Variants in SEC14L1 observed in about 807,000 individuals in gnomAD.
SEC14L1 encodes the protein SEC14-like protein 1.
Under a neutral mutation model 85.3 loss-of-function variants are expected in SEC14L1, and 48 were observed. The observed-to-expected ratio is 0.56, with a 90% CI of 0.45 to 0.72. The LOEUF is 0.72. SEC14L1 is among the 30% of genes least tolerant of loss of function. The pLI is 0.00. For synonymous variants in SEC14L1, 391 were observed against 355.5 expected (o/e 1.10, Z -1.12); for missense variants, 682 against 921.4 (o/e 0.74, Z 3.36).
rs1324887019 is a variant in SEC14L1 at position 77,216,397 on chromosome 17, G to A, written c.*2374G>A. 8.1e-6 allele frequency: 6 copies of A among 736,254 alleles called. No individual in the cohort carries two copies. Among genetic ancestry groups the A allele is most frequent in the East Asian group, 4.0e-5 (1 of 24,786 alleles). The allele number at this position is 736,254 out of a possible 1,614,324, so 45.6% of individuals were successfully genotyped here. A position where few individuals can be genotyped will look rare whatever the true frequency, so the allele number is the denominator to read the frequency against. Reference sequence around the variant, plus strand: ...TAGGTAGGGCTAGTAGGTAGGGCTAGTAGGTAGGGTTCGTAGGTAGGGTTC... The same window carrying A: ...TAGGTAGGGCTAGTAGGTAGGGCTAATAGGTAGGGTTCGTAGGTAGGGTTC... On this transcript the variant is annotated 3_prime_UTR_variant, in exon 17 of 17. Transcript: ENST00000436233.
intron 3 of SEC14L1, among the ~76,000 whole-genome samples, chr17:77,111,876 GT>G (rs1477351897): frequency 3.3e-5 from 5 of 152,202 alleles, no homozygotes; most frequent in African/African-American, 1.2e-4. Context: ...TTGGGAGACA[GT>G]TAGAAAGGCA....
chr17:77,119,988 C>T (rs1205846401), intron 3 of SEC14L1, among the ~76,000 whole-genome samples: 3 of 152,158 alleles, frequency 2.0e-5, no homozygotes, highest in African/African-American at 4.8e-5. Context: ...AATACTTTCC[C>T]GTATTGCACT....
At chr17:77,201,903 G>A (rs919652999) in intron 9 of SEC14L1, among the ~76,000 whole-genome samples, 3 of 152,156 alleles carry the variant, frequency 2.0e-5, no homozygotes, top group Non-Finnish European at 4.4e-5. Flanking sequence ...ACAAATACAA[G>A]ATAAATGTTA....
At chr17:77,110,752 C>T (rs569685206) in intron 3 of SEC14L1, among the ~76,000 whole-genome samples, 44 of 151,634 alleles carry the variant, frequency 2.9e-4, no homozygotes, top group African/African-American at 9.7e-4. Context: ...GGCGTGTTGG[C>T]AGGCACCTGT....
At chr17:77,190,974 T>C (rs1391477550) in intron 4 of SEC14L1, 22 bp downstream of exon 4, 5 of 1,610,352 alleles carry the variant, frequency 3.1e-6, no homozygotes, top group South Asian at 1.1e-5. Context: ...AAAGGACGTC[T>C]TGGAGGGAAA....
chr17:77,101,564 G>A (rs1028810085), intron 3 of SEC14L1, among the ~76,000 whole-genome samples: 1 of 152,164 alleles, frequency 6.6e-6, no homozygotes, highest in African/African-American at 2.4e-5. Flanking sequence ...TTTGGTCTAA[G>A]AATATAAGTG....
chr17:77,211,902 G>T, intron 14 of SEC14L1, 48 bp from the exon 15 acceptor site: 1 of 1,601,532 alleles, frequency 6.2e-7, no homozygotes, highest in South Asian at 1.1e-5. Flanking sequence ...GCAGCATGCC[G>T]GCCTGGTGCT....
chr17:77,170,877 T>C (rs1413490953), intron 3 of SEC14L1, among the ~76,000 whole-genome samples: 1 of 152,204 alleles, frequency 6.6e-6, no homozygotes, highest in Non-Finnish European at 1.5e-5. Context: ...GAATCAGTGT[T>C]TTCTATAATT....
intron 3 of SEC14L1, among the ~76,000 whole-genome samples, chr17:77,126,736 T>A (rs1972458420): frequency 6.6e-6 from 1 of 152,070 alleles, no homozygotes; most frequent in South Asian, 2.1e-4. Context: ...AAGCCCAGAG[T>A]CTACAACGTG....
At chr17:77,189,115 T>C (rs1237556932) in intron 3 of SEC14L1, among the ~76,000 whole-genome samples, 3 of 152,210 alleles carry the variant, frequency 2.0e-5, no homozygotes, top group Non-Finnish European at 4.4e-5. Context: ...CTTAATTGGC[T>C]TTTTTGATTC....
intron 3 of SEC14L1, among the ~76,000 whole-genome samples, chr17:77,157,779 G>A (rs1432052342): frequency 6.6e-6 from 1 of 152,096 alleles, no homozygotes; most frequent in Non-Finnish European, 1.5e-5. Context: ...GTCTGCCTTG[G>A]CCTCCCAAAG....
intron 3 of SEC14L1, among the ~76,000 whole-genome samples, chr17:77,112,964 G>A (rs183071283): frequency 4.0e-5 from 6 of 151,698 alleles, no homozygotes; most frequent in East Asian, 2.0e-4. Flanking sequence ...CCAGGAGTTC[G>A]AGACCAGCCT....
chr17:77,088,875 C>G (rs888434007), exon 1 of SEC14L1: 5 of 155,774 alleles, frequency 3.2e-5, no homozygotes, highest in African/African-American at 1.2e-4. Context: ...AGGCACTGAC[C>G]GGGTGACCAG....
chr17:77,109,558 G>T (rs1187045443), intron 3 of SEC14L1, among the ~76,000 whole-genome samples: 1 of 152,210 alleles, frequency 6.6e-6, no homozygotes, highest in Non-Finnish European at 1.5e-5. Context: ...TGCTGAGCAC[G>T]GGTGACTCCA....
intron 3 of SEC14L1, among the ~76,000 whole-genome samples, chr17:77,104,120 CTTTT>C (rs1182648184): frequency 2.2e-5 from 3 of 134,870 alleles, no homozygotes; most frequent in Non-Finnish European, 4.8e-5. Context: ...TTTGTATTTA[CTTTT>C]TTTTTTTTTT....
In SEC14L1 at chr17:77,215,759, G is replaced by A; in HGVS notation, c.*1736G>A. 8.1e-6 allele frequency: 8 copies of A among 986,492 alleles called. No homozygotes were observed. The highest frequency in any genetic ancestry group is 8.4e-6 in the Non-Finnish European group (7 of 831,042). The allele number at this position is 986,492 out of a possible 1,614,324, so 61.1% of individuals were successfully genotyped here. On this transcript the variant is annotated 3_prime_UTR_variant, in exon 17 of 17. Coordinates refer to ENST00000436233, the MANE Select transcript of SEC14L1 (RefSeq NM_001143998.2). ...CTAGTAGGTAGGGTTAGTAGGTAGG[G>A]CTAGTAGGTAGGGCTAGTAGGTAGG...
chr17:77,155,537 G>A (rs74429348), intron 3 of SEC14L1, among the ~76,000 whole-genome samples: 128 of 152,206 alleles, frequency 8.4e-4, no homozygotes, highest in African/African-American at 2.8e-3. Context: ...CTGGATGGGC[G>A]CTCACTTTGC....
intron 3 of SEC14L1, among the ~76,000 whole-genome samples, chr17:77,122,787 G>A (rs1331326291): frequency 1.3e-5 from 2 of 152,232 alleles, no homozygotes; most frequent in South Asian, 2.1e-4. Context: ...GAGCAGCAAC[G>A]CCACCCAAGG....
chr17:77,183,960 ATT>A (rs998766119), intron 3 of SEC14L1, among the ~76,000 whole-genome samples: 3 of 151,728 alleles, frequency 2.0e-5, no homozygotes, highest in African/African-American at 7.3e-5. Context: ...TAATTTTTGT[ATT>A]TTTAGTAGAA....
Sources: gnomAD v4.1 joint callset for allele counts (sites outside exome capture counted in the v4.1 genomes callset) on GRCh38, gnomAD v4.1.1 for gene constraint, MANE v1.5 for transcripts, NCBI Gene and HGNC (gene_info 2026-07-23, HGNC 2026-07-21) for gene names.